Variants in FOXR1 observed in about 807,000 individuals in gnomAD.
FOXR1 encodes forkhead box R1, also known as forkhead box protein R1.
In FOXR1, 25 loss-of-function variants were observed where a neutral mutation model predicts 34.5. That is an observed-to-expected ratio of 0.72 (90% CI 0.53 to 1.01). FOXR1 has a LOEUF of 1.01. FOXR1 is among the 50% of genes least tolerant of loss of function. FOXR1 has a pLI of 0.00. For missense variants in FOXR1, 373 were observed against 376.2 expected, an observed-to-expected ratio of 0.99 and a Z score of 0.07; for synonymous variants, 153 against 141.6, an observed-to-expected ratio of 1.08 and a Z score of -0.57.
intron 1 of FOXR1, among the ~76,000 whole-genome samples, chr11:118,973,755 G>A (rs571003053): frequency 4.8e-5 from 7 of 145,120 alleles, no homozygotes; most frequent in African/African-American, 1.5e-4. Context: ...GTACAGTAGC[G>A]CAATCTCAGT....
chr11:118,980,258 A>G (rs1941837638), intron 4 of FOXR1: 6 of 681,278 alleles, frequency 8.8e-6, no homozygotes, highest in Non-Finnish European at 1.6e-5. Context: ...TGCTTTGTTC[A>G]TGCTGTGGTC....
intron 4 of FOXR1, 109 bp downstream of exon 4, chr11:118,979,777 G>A: frequency 2.1e-6 from 2 of 963,650 alleles, no homozygotes; most frequent in Non-Finnish European, 3.1e-6. Flanking sequence ...TCCCTATCTG[G>A]GTCTGAGAGG....
At chr11:118,977,828 C>T (rs1460928057) in intron 1 of FOXR1, among the ~76,000 whole-genome samples, 1 of 152,084 alleles carries the variant, frequency 6.6e-6, no homozygotes, top group Non-Finnish European at 1.5e-5. Flanking sequence ...AGCTCACGCC[C>T]GTAATCCCAA....
intron 1 of FOXR1, among the ~76,000 whole-genome samples, chr11:118,972,285 C>T (rs1941720184): frequency 6.6e-6 from 1 of 152,128 alleles, no homozygotes; most frequent in Admixed American, 6.5e-5. Context: ...AGGCTTTCCA[C>T]TCTACGTCAC....
At chr11:118,978,310 A>G (rs1384295996) in intron 1 of FOXR1, among the ~76,000 whole-genome samples, 5 of 151,974 alleles carry the variant, frequency 3.3e-5, no homozygotes, top group Admixed American at 3.3e-4. Flanking sequence ...TCTCTTGAGC[A>G]CACCACTGCA....
intron 1 of FOXR1, among the ~76,000 whole-genome samples, chr11:118,978,581 C>T (rs78199257): frequency 0.022 from 3,290 of 151,906 alleles, 117 homozygotes; most frequent in African/African-American, 0.075. Flanking sequence ...GGATAGTATA[C>T]GTAGAGTGAG....
At chr11:118,978,935 C>T in intron 2 of FOXR1, 22 bp from the exon 3 acceptor site, 1 of 1,613,226 alleles carries the variant, frequency 6.2e-7, no homozygotes, top group Non-Finnish European at 8.5e-7. Context: ...GGCTGTGGCA[C>T]ACAATCTTTT....
At position 118,978,805 on chromosome 11, in the gene FOXR1, G is replaced by A. The variant is rs782024396; in HGVS notation, c.85G>A (p.Val29Ile). The A allele has an allele frequency of 6.2e-7, 1 of 1,614,158 alleles. No individual in the cohort carries two copies. Among genetic ancestry groups the A allele is most frequent in the East Asian group, 2.2e-5 (1 of 44,876 alleles). Residue 29 changes from valine (V) to isoleucine (I), a missense_variant, in exon 2 of 6, where the codon GTT (valine) becomes ATT (isoleucine). Transcript: ENST00000317011. ...QKLARYKLRI[V>I]KPPKLPLEKK... is the part of the protein sequence containing the mutation. The stretch of plus-strand genomic sequence containing the variant: ...AGTTGCCAGGTATAAACTCCGAATT[G>A]TTAAGCCACCAAAATTACCCCTAGA...
chr11:118,976,705 A>G (rs1941784056), intron 1 of FOXR1, among the ~76,000 whole-genome samples: 1 of 152,230 alleles, frequency 6.6e-6, no homozygotes, highest in African/African-American at 2.4e-5. Context: ...GTTGATACAC[A>G]GAACTGCAGT....
At chr11:118,980,840 A>G (rs533924396) in intron 5 of FOXR1, 112 bp downstream of exon 5, 39 of 1,023,550 alleles carry the variant, frequency 3.8e-5, no homozygotes, top group Admixed American at 1.8e-4. Flanking sequence ...TGCATCTTCT[A>G]TAGGAAACAG....
intron 1 of FOXR1, among the ~76,000 whole-genome samples, chr11:118,975,407 C>T (rs928221639): frequency 6.0e-5 from 9 of 150,796 alleles, no homozygotes; most frequent in Non-Finnish European, 1.2e-4. Flanking sequence ...TAATCTTTTT[C>T]TTTTTCTTTC....
In FOXR1 at chr11:118,980,628, C is replaced by T. The variant is rs557694929; in HGVS notation, c.750C>T (p.Leu250=). 2.9e-4 allele frequency: 464 copies of T among 1,614,214 alleles called. 7 individuals carry two copies. In the South Asian group the frequency reaches 4.8e-3, roughly 17 times the overall value. Residue 250 remains leucine, a synonymous_variant, in exon 5 of 6, where the codon CTC becomes CTT. Coordinates refer to ENST00000317011, the MANE Select transcript of FOXR1 (RefSeq NM_181721.3). ...CCAGCACACGGCCTCGATCTTGCCT[C>T]TGGAAGTTGACCGAGGAGGGACACC... ...GGASTRPRSC[L]WKLTEEGHRR...
In FOXR1 at chr11:118,978,373, C is replaced by G. The variant is rs139507312; in HGVS notation, c.62-409C>G. 1.7e-3 allele frequency among the ~76,000 whole-genome samples: 254 copies of G among 152,114 alleles called. 1 individual carries two copies. The highest frequency in any genetic ancestry group is 5.8e-3 in the African/African-American group (241 of 41,498). ...CTGTCTCAAAAAAAATACAAGAATA[C>G]AGGAGGAAGAGCAAGAAGATGGAAT... On this transcript the variant is annotated intron_variant, in intron 1 of 5. Coordinates refer to ENST00000317011, the MANE Select transcript of FOXR1 (RefSeq NM_181721.3).
chr11:118,977,575 C>A lies in FOXR1; in HGVS notation c.62-1207C>A, dbSNP rs148556885. ...TGTCTCCAAAAAAACCCCAATTTTT[C>A]TATCTTTTGCTACTTTTTCCTTTTT... On this transcript the variant is annotated intron_variant, in intron 1 of 5. Transcript: ENST00000317011. 1.3e-3 allele frequency among the ~76,000 whole-genome samples: 199 copies of A among 152,070 alleles called. 2 individuals carry two copies. The highest frequency in any genetic ancestry group is 7.5e-3 in the South Asian group (36 of 4,812).
At chr11:118,979,697 G>A (rs1421694327) in intron 4 of FOXR1, 29 bp downstream of exon 4, 1 of 1,545,920 alleles carries the variant, frequency 6.5e-7, no homozygotes, top group Non-Finnish European at 8.7e-7. Flanking sequence ...GCGAGGAGGG[G>A]GAAGTGGGGG....
chr11:118,978,843 C>T lies in FOXR1; in HGVS notation c.123C>T (p.Asn41=). ...AATTACCCCTAGAGAAAAAACCCAA[C>T]CCTGATAAGGATGGTACGTATTGAG... is the stretch of plus-strand genomic sequence containing the variant. The part of the protein sequence containing the change: ...PPKLPLEKKP[N]PDKDGPDYEP... Residue 41 remains asparagine (N), a synonymous_variant, in exon 2 of 6, where the codon AAC becomes AAT. Coordinates refer to ENST00000317011, the MANE Select transcript of FOXR1 (RefSeq NM_181721.3). 1 of 1,614,196 alleles carries T rather than the reference C, an allele frequency of 6.2e-7. No individual in the cohort carries two copies. The highest frequency in any genetic ancestry group is 8.5e-7 in the Non-Finnish European group (1 of 1,180,034).
Position 118,979,520 on chromosome 11 carries a change from C to A in FOXR1, c.463C>A (p.Leu155Ile). The change falls in exon 4 of 6, where the codon CTC (leucine) becomes ATC (isoleucine). Residue 155 changes from leucine to isoleucine, a missense_variant. By Grantham distance (5) the Leu-to-Ile change is conservative (BLOSUM62 2). Transcript: ENST00000317011. ...ALPSPHKRAP[L>I]QSRRLRQASS... The stretch of plus-strand genomic sequence containing the variant: ...CCCATCCCCTCACAAAAGGGCCCCC[C>A]TCCAGAGTCGGAGGCTTCGGCAAGC... The A allele has an allele frequency of 6.2e-7, 1 of 1,613,672 alleles. No individual in the cohort carries two copies. The highest frequency in any genetic ancestry group is 8.5e-7 in the Non-Finnish European group (1 of 1,179,776).
intron 1 of FOXR1, among the ~76,000 whole-genome samples, chr11:118,976,575 C>A (rs1024121693): frequency 6.6e-6 from 1 of 152,216 alleles, no homozygotes; most frequent in Non-Finnish European, 1.5e-5. Flanking sequence ...ATGGTAGTAA[C>A]AATGGAGATT....
chr11:118,980,694 G>C lies in FOXR1; in HGVS notation c.816G>C (p.Arg272=). The C allele has an allele frequency of 6.2e-7, 1 of 1,613,680 alleles. No individual in the cohort carries two copies. Among genetic ancestry groups the C allele is most frequent in the Non-Finnish European group, 8.5e-7 (1 of 1,180,044 alleles). ...AEEARALAST[R]LESIQQCMSQ... ...AGGCCCGCGCCTTGGCTTCCACTCG[G>C]CTAGAAAGTATCCAACAGTGCATGA... The change falls in exon 5 of 6, where the codon CGG becomes CGC. Residue 272 remains arginine, a synonymous_variant. Transcript: ENST00000317011.
Sources: gnomAD v4.1 joint callset for allele counts (sites outside exome capture counted in the v4.1 genomes callset) on GRCh38, gnomAD v4.1.1 for gene constraint, MANE v1.5 for transcripts, NCBI Gene and HGNC (gene_info 2026-07-23, HGNC 2026-07-21) for gene names.